CIP2A: variants seen among roughly 807,000 people sequenced by gnomAD.
The protein encoded by CIP2A is protein CIP2A.
A neutral mutation model predicts 110.9 loss-of-function variants in CIP2A; 103 were observed. The observed-to-expected ratio is 0.93, with a 90% CI of 0.79 to 1.09. The LOEUF (loss-of-function observed/expected upper bound fraction) is 1.09, where lower values mean the gene tolerates loss of function less well. Ranked by LOEUF, CIP2A falls within the 50% of genes least tolerant of loss-of-function variation. The pLI, the probability that CIP2A is intolerant of heterozygous loss-of-function variation, is 0.00. For missense variants in CIP2A, 1,088 were observed against 1,038.4 expected (o/e 1.05, Z -0.66); for synonymous variants, 381 against 361.6 (o/e 1.05, Z -0.61).
chr3:108,577,028 A>T (rs1015519121), intron 7 of CIP2A, among the ~76,000 whole-genome samples: 6 of 152,202 alleles, frequency 3.9e-5, no homozygotes, highest in African/African-American at 1.2e-4. Context: ...GAGTCTTAAA[A>T]ACAAAAATAG....
At chr3:108,553,556 T>C in intron 19 of CIP2A, 92 bp downstream of exon 19, 2 of 1,090,028 alleles carry the variant, frequency 1.8e-6, no homozygotes, top group Non-Finnish European at 2.6e-6. Flanking sequence ...TTTAAAACAA[T>C]AAGTAGAAAA....
chr3:108,569,953 T>C (rs1384337223), intron 8 of CIP2A, among the ~76,000 whole-genome samples: 1 of 151,992 alleles, frequency 6.6e-6, no homozygotes, highest in African/African-American at 2.4e-5. Context: ...CCCTAAAAAA[T>C]AAAATTAGAA....
chr3:108,573,887 G>A (rs926105015), intron 8 of CIP2A, among the ~76,000 whole-genome samples: 8 of 152,030 alleles, frequency 5.3e-5, no homozygotes, highest in Non-Finnish European at 2.9e-5. Flanking sequence ...TGGAAAAGTC[G>A]TACTTCACAA....
intron 1 of CIP2A, chr3:108,585,575 A>G (rs1371898895): frequency 2.4e-6 from 1 of 408,942 alleles, no homozygotes; most frequent in Non-Finnish European, 4.8e-6. Flanking sequence ...TTCACACTAC[A>G]TTGAACATGC....
intron 1 of CIP2A, chr3:108,585,716 T>G (rs1181515753): frequency 2.2e-6 from 1 of 456,608 alleles, no homozygotes; most frequent in Non-Finnish European, 4.4e-6. Flanking sequence ...TATGGGATTA[T>G]TCCTTCTGCT....
intron 8 of CIP2A, 103 bp downstream of exon 8, chr3:108,576,168 A>T (rs750154713): frequency 4.7e-6 from 3 of 641,838 alleles, no homozygotes; most frequent in Non-Finnish European, 8.1e-6. Context: ...ATAAAAATAC[A>T]GAAATCTGTG....
At chr3:108,556,365 C>CA (rs1223536600) in intron 17 of CIP2A, among the ~76,000 whole-genome samples, 1 of 152,098 alleles carries the variant, frequency 6.6e-6, no homozygotes, top group African/African-American at 2.4e-5. Context: ...ATAATTGTTC[C>CA]TGGTCTTCCC....
chr3:108,566,391 T>C (rs1938181808), intron 11 of CIP2A, 106 bp downstream of exon 11: 1 of 802,000 alleles, frequency 1.2e-6, no homozygotes, highest in Non-Finnish European at 2.0e-6. Context: ...TAATCTGTTA[T>C]ATCTTAAGTT....
rs1188148668 is a variant in CIP2A at position 108,576,300 on chromosome 3, TAAG to T, written c.862_864del (p.Leu288del). On this transcript the variant is annotated inframe_deletion, in exon 8 of 21. Transcript: ENST00000295746. ...GAAGAGGAATCAGGATCCTTTCCATTAAGAAGACCTAATACTTGGTGAAGACAT... is the reference window on the plus strand; with the variant it reads ...GAAGAGGAATCAGGATCCTTTCCATTAAGACCTAATACTTGGTGAAGACAT... 8.9e-6 allele frequency: 14 copies of T among 1,565,972 alleles called. No homozygotes were observed. The highest frequency in any genetic ancestry group is 1.2e-5 in the Non-Finnish European group (14 of 1,155,136).
intron 17 of CIP2A, among the ~76,000 whole-genome samples, chr3:108,555,372 T>C (rs1559688446): frequency 1.3e-5 from 2 of 152,238 alleles, no homozygotes; most frequent in Non-Finnish European, 2.9e-5. Flanking sequence ...GCCCTAGAAG[T>C]AAATAAGTAA....
intron 5 of CIP2A, among the ~76,000 whole-genome samples, chr3:108,581,105 A>G (rs992853525): frequency 6.6e-6 from 1 of 152,204 alleles, no homozygotes; most frequent in Non-Finnish European, 1.5e-5. Flanking sequence ...CTCCCTTCTA[A>G]GAGCACAAAA....
chr3:108,568,690 C>G (rs1458613198), intron 9 of CIP2A, among the ~76,000 whole-genome samples: 5 of 151,794 alleles, frequency 3.3e-5, no homozygotes, highest in Admixed American at 6.6e-5. Flanking sequence ...AAATAATTTC[C>G]CTCAAGACCC....
intron 7 of CIP2A, among the ~76,000 whole-genome samples, chr3:108,577,754 C>T (rs1353983737): frequency 6.6e-6 from 1 of 152,014 alleles, no homozygotes; most frequent in Non-Finnish European, 1.5e-5. Context: ...CAAAAATTAG[C>T]TGGGCGTGGT....
chr3:108,575,613 T>C (rs1295478209), intron 8 of CIP2A, among the ~76,000 whole-genome samples: 3 of 145,990 alleles, frequency 2.1e-5, no homozygotes, highest in African/African-American at 7.7e-5. Flanking sequence ...TATACTCATA[T>C]ACATGTGTAT....
intron 9 of CIP2A, among the ~76,000 whole-genome samples, 158 bp downstream of exon 9, chr3:108,569,231 T>G (rs1030270929): frequency 2.8e-5 from 3 of 105,920 alleles, no homozygotes; most frequent in African/African-American, 9.8e-5. Context: ...TATATATGAC[T>G]GGCAGAAAAA....
rs541507104 is a variant in CIP2A at position 108,589,401 on chromosome 3, G to C, written c.-26C>G. ...TGCACCGGCCGCGGCCCGGCTTAGG[G>C]ACCACCACCGCCCAGCGTGCGCCGG... is the stretch of plus-strand genomic sequence containing the variant. On this transcript the variant is annotated 5_prime_UTR_variant, in exon 1 of 21. Transcript: ENST00000295746. The C allele has an allele frequency of 1.3e-6, 2 of 1,537,498 alleles. No individual in the cohort carries two copies. The highest frequency in any genetic ancestry group is 1.7e-5 in the Admixed American group (1 of 57,552).
chr3:108,585,239 G>T, intron 1 of CIP2A, 27 bp from the exon 2 acceptor site: 1 of 1,559,588 alleles, frequency 6.4e-7, no homozygotes, highest in South Asian at 1.2e-5. Flanking sequence ...AAAATGTGTT[G>T]GTTAAGCGAT....
chr3:108,561,232 C>T (rs2107322541), intron 13 of CIP2A, among the ~76,000 whole-genome samples: 1 of 152,268 alleles, frequency 6.6e-6, no homozygotes, highest in Admixed American at 6.5e-5. Flanking sequence ...ACCAACCTGA[C>T]TTCCATTCTA....
chr3:108,562,286 C>T (rs1410296896), intron 13 of CIP2A, among the ~76,000 whole-genome samples: 6 of 152,060 alleles, frequency 3.9e-5, no homozygotes, highest in Admixed American at 1.3e-4. Context: ...TATCTGGTCT[C>T]TGTCACAATT....
Sources: gnomAD v4.1 joint callset for allele counts (sites outside exome capture counted in the v4.1 genomes callset) on GRCh38, gnomAD v4.1.1 for gene constraint, MANE v1.5 for transcripts, NCBI Gene and HGNC (gene_info 2026-07-23, HGNC 2026-07-21) for gene names.